Variants in MOSPD1 observed in about 807,000 individuals in gnomAD.
MOSPD1 encodes motile sperm domain-containing protein 1.
Under a neutral mutation model 16.7 loss-of-function variants are expected in MOSPD1, and 5 were observed. The ratio of observed to expected loss-of-function variants is 0.30; its 90% CI spans 0.16 to 0.63. The LOEUF (loss-of-function observed/expected upper bound fraction) is 0.63. Among genes scored for constraint, MOSPD1 ranks in the 30% least tolerant of loss-of-function variants. The pLI is 0.82. For synonymous variants in MOSPD1, 67 were observed against 59.2 expected (o/e 1.13, Z -0.61); for missense variants, 104 against 153.6 (o/e 0.68, Z 1.71).
intron 5 of MOSPD1, among the ~76,000 whole-genome samples, chrX:134,890,607 G>A (rs777976269): frequency 4.5e-5 from 5 of 110,478 alleles, no homozygotes; most frequent in South Asian, 3.9e-4. Flanking sequence ...TCGGGAGTTC[G>A]AGACCACCCT....
At chrX:134,891,689 A>C in intron 4 of MOSPD1, 49 bp from the exon 5 acceptor site, 2 of 1,147,886 alleles carry the variant, frequency 1.7e-6, no homozygotes, top group Non-Finnish European at 2.4e-6. Context: ...ACTTTAAGAC[A>C]AAAGTTCCTT....
chrX:134,894,782 A>C (rs748502925), intron 4 of MOSPD1, among the ~76,000 whole-genome samples: 3 of 111,747 alleles, frequency 2.7e-5, no homozygotes, highest in Non-Finnish European at 5.6e-5. Flanking sequence ...ACAGACCCTC[A>C]CCAGACCTGA....
chrX:134,906,173 A>ATTTT (rs2082940010), intron 1 of MOSPD1, among the ~76,000 whole-genome samples: 1 of 55,503 alleles, frequency 1.8e-5, no homozygotes, highest in African/African-American at 9.7e-5. Flanking sequence ...CCCATTTATC[A>ATTTT]CTTTTTTTTT....
At chrX:134,890,927 C>T (rs967721679) in intron 5 of MOSPD1, among the ~76,000 whole-genome samples, 1 of 111,789 alleles carries the variant, frequency 8.9e-6, no homozygotes, top group Non-Finnish European at 1.9e-5. Flanking sequence ...AACACTAATC[C>T]TCGACACATG....
intron 5 of MOSPD1, 88 bp downstream of exon 5, chrX:134,891,391 G>GAAAA: frequency 1.3e-6 from 1 of 771,204 alleles, no homozygotes; most frequent in Non-Finnish European, 1.8e-6. Context: ...TGTTCTTTGG[G>GAAAA]AAAAAAAAAA....
At chrX:134,889,267 G>A in intron 5 of MOSPD1, 75 bp from the exon 6 acceptor site, 1 of 807,273 alleles carries the variant, frequency 1.2e-6, no homozygotes, top group Non-Finnish European at 1.8e-6. Context: ...CAATTGTTTG[G>A]ACCTCAATGA....
At chrX:134,899,914 CT>C (rs2082904190) in intron 1 of MOSPD1, 1 of 112,197 alleles carries the variant, frequency 8.9e-6, no homozygotes, top group African/African-American at 3.2e-5. Flanking sequence ...CGAGATCACA[CT>C]GCTGCACTCC....
At chrX:134,890,898 G>A (rs1232700218) in intron 5 of MOSPD1, among the ~76,000 whole-genome samples, 1 of 111,867 alleles carries the variant, frequency 8.9e-6, no homozygotes, top group Non-Finnish European at 1.9e-5. Flanking sequence ...AGAACATGAG[G>A]AAAGTCATTC....
At chrX:134,906,825 G>A (rs968147749) in intron 1 of MOSPD1, among the ~76,000 whole-genome samples, 1 of 111,916 alleles carries the variant, frequency 8.9e-6, no homozygotes, top group Non-Finnish European at 1.9e-5. Flanking sequence ...GTGGGAAGCA[G>A]GCCCAGGATG....
chrX:134,905,140 A>C (rs891479172), intron 1 of MOSPD1, among the ~76,000 whole-genome samples: 3 of 110,152 alleles, frequency 2.7e-5, no homozygotes, highest in African/African-American at 9.9e-5. Flanking sequence ...CGGGCAGATC[A>C]TGAGGGCAGA....
chrX:134,896,783 C>T, intron 4 of MOSPD1, 34 bp downstream of exon 4: 3 of 1,066,252 alleles, frequency 2.8e-6, no homozygotes, highest in Non-Finnish European at 3.9e-6. Context: ...ATGTGTAAGA[C>T]CTCAAAAGGG....
chrX:134,911,468 T>C (rs781232945), intron 1 of MOSPD1, among the ~76,000 whole-genome samples: 1 of 112,170 alleles, frequency 8.9e-6, no homozygotes, highest in Admixed American at 9.5e-5. Flanking sequence ...CTGTGGAATA[T>C]ACTAACTGCT....
intron 1 of MOSPD1, among the ~76,000 whole-genome samples, chrX:134,906,616 T>C (rs920450212): frequency 2.7e-5 from 3 of 111,714 alleles, no homozygotes; most frequent in Non-Finnish European, 3.8e-5. Flanking sequence ...CTGCCTTGAA[T>C]TGATAGTTTT....
chrX:134,901,311 G>A (rs1241970722), intron 1 of MOSPD1, among the ~76,000 whole-genome samples: 1 of 111,676 alleles, frequency 9.0e-6, no homozygotes, highest in Non-Finnish European at 1.9e-5. Context: ...TATATATGGT[G>A]CTAGAGAATC....
Position 134,902,361 on chromosome X carries a change from C to T in MOSPD1, c.-101-2827G>A, listed in dbSNP as rs188593874. Among the ~76,000 whole-genome samples, 449 of 107,605 alleles carry T rather than the reference C, an allele frequency of 4.2e-3. 1 individual carries two copies. Among genetic ancestry groups the T allele is most frequent in the Non-Finnish European group, 6.7e-3 (347 of 52,177 alleles). 93.4% of individuals were successfully genotyped at this position (107,605 alleles called of 115,157 possible). A position where few individuals can be genotyped will look rare whatever the true frequency, so the allele number is the denominator to read the frequency against. On this transcript the variant is annotated intron_variant, in intron 1 of 5. Coordinates refer to ENST00000370783, the MANE Select transcript of MOSPD1 (RefSeq NM_019556.3). ...GGCGGAGGTTGCAGTGAGCCGAGAT[C>T]GCTGGGCAACAAGAGCGAAATTCCG...
chrX:134,907,129 G>A (rs1390824689), intron 1 of MOSPD1, among the ~76,000 whole-genome samples: 1 of 111,232 alleles, frequency 9.0e-6, no homozygotes, highest in Non-Finnish European at 1.9e-5. Flanking sequence ...TCAGGAGGCT[G>A]AGGCAGGACA....
chrX:134,905,708 G>T (rs2082938201), intron 1 of MOSPD1, among the ~76,000 whole-genome samples: 1 of 111,944 alleles, frequency 8.9e-6, no homozygotes, highest in Non-Finnish European at 1.9e-5. Context: ...AAAACATATT[G>T]AAAACCTTAA....
chrX:134,914,264 T>G (rs971887341), intron 1 of MOSPD1, among the ~76,000 whole-genome samples: 3 of 112,225 alleles, frequency 2.7e-5, no homozygotes, highest in African/African-American at 6.5e-5. Context: ...ACGTGAGATC[T>G]CTCAGATTCT....
intron 1 of MOSPD1, among the ~76,000 whole-genome samples, chrX:134,913,780 C>T (rs1239908432): frequency 9.0e-6 from 1 of 111,702 alleles, no homozygotes; most frequent in Non-Finnish European, 1.9e-5. Context: ...AAAATTTCAA[C>T]TCTCCTAGTA....
Sources: allele counts gnomAD v4.1 joint callset (sites outside exome capture counted in the v4.1 genomes callset), GRCh38; gene constraint gnomAD v4.1.1; transcripts MANE v1.5; gene names NCBI Gene and HGNC (gene_info 2026-07-23, HGNC 2026-07-21).